The following CHRM1 variants were observed in gnomAD, a reference collection of about 807,000 sequenced individuals.
CHRM1 encodes cholinergic receptor muscarinic 1, also known as muscarinic acetylcholine receptor M1.
Under a neutral mutation model 31.6 loss-of-function variants are expected in CHRM1, and 5 were observed. The observed-to-expected ratio is 0.16, with a 90% confidence interval of 0.08 to 0.33. The LOEUF (loss-of-function observed/expected upper bound fraction) is 0.33, where lower values mean the gene tolerates loss of function less well. Among genes scored for constraint, CHRM1 ranks in the 10% least tolerant of loss-of-function variants. The pLI, the probability that CHRM1 is intolerant of heterozygous loss-of-function variation, is 1.00. For missense variants in CHRM1, 338 were observed against 610.3 expected (o/e 0.55, Z 4.70); for synonymous variants, 227 against 249.7 (o/e 0.91, Z 0.86).
At chr11:62,913,671 C>CAAAA (rs35385223) in intron 1 of CHRM1, among the ~76,000 whole-genome samples, 15 of 83,430 alleles carry the variant, frequency 1.8e-4, no homozygotes, top group African/African-American at 5.7e-4. Context: ...AACTCTGTCT[C>CAAAA]AAAAAAAAAA....
rs1212927495 is a variant in CHRM1 at position 62,910,171 on chromosome 11, C to T, written c.930G>A (p.Glu310=). The T allele has an allele frequency of 6.2e-7, 1 of 1,602,794 alleles. No individual in the cohort carries two copies. Among genetic ancestry groups the T allele is most frequent in the Non-Finnish European group, 8.5e-7 (1 of 1,174,794 alleles). The change falls in exon 2 of 2, where the codon GAG becomes GAA. Residue 310 remains glutamate, a synonymous_variant. Transcript: ENST00000306960. This position sits in a 1 kb window ranked among gnomAD's most constrained non-coding sequence, Gnocchi z 8.7. ...GGGGCTGCTTGGTGGGGGCCTGTGC[C>T]TCGGGGTCCACCATTGGCATCTTGA... ...VVIKMPMVDP[E]AQAPTKQPPR...
chr11:62,910,380 A>AGCT lies in CHRM1; in HGVS notation c.718_720dup (p.Ser241dup). 7 of 1,610,370 alleles carry AGCT rather than the reference A, an allele frequency of 4.3e-6. No homozygotes were observed. The highest frequency in any genetic ancestry group is 5.9e-6 in the Non-Finnish European group (7 of 1,179,970). ...TCAGCCCCTGGCTGAGACCTCTCTG[A>AGCT]GCTGCTGCTGCTGCCACCCCCTTTG... On this transcript the variant is annotated inframe_insertion, in exon 2 of 2. Coordinates refer to ENST00000306960, the MANE Select transcript of CHRM1 (RefSeq NM_000738.3). This position sits in a 1 kb window ranked among gnomAD's most constrained non-coding sequence, Gnocchi z 8.7.
chr11:62,919,584 C>T (rs1419336692), intron 1 of CHRM1, among the ~76,000 whole-genome samples: 1 of 152,128 alleles, frequency 6.6e-6, no homozygotes, highest in African/African-American at 2.4e-5. Context: ...GCACTCTCCT[C>T]CTCATTTCCT....
At position 62,909,669 on chromosome 11, in the gene CHRM1, A is replaced by T. The variant is rs200030454; in HGVS notation, c.*49T>A. On this transcript the variant is annotated 3_prime_UTR_variant, in exon 2 of 2. Coordinates refer to ENST00000306960, the MANE Select transcript of CHRM1 (RefSeq NM_000738.3). Reference sequence around the variant, plus strand: ...AGGATGCAGCCCCTGCCCTCTTCCCACCGGCCTTTCCCGGGGACTGGGGTG... The same window carrying T: ...AGGATGCAGCCCCTGCCCTCTTCCCTCCGGCCTTTCCCGGGGACTGGGGTG... 2.5e-6 allele frequency: 4 copies of T among 1,587,454 alleles called. No individual in the cohort carries two copies. The African/African-American group carries it at 5.4e-5, about 21-fold the overall frequency.
At chr11:62,917,152 C>T (rs2085904742) in intron 1 of CHRM1, among the ~76,000 whole-genome samples, 1 of 152,220 alleles carries the variant, frequency 6.6e-6, no homozygotes, top group African/African-American at 2.4e-5. Context: ...CAGTCTTCTA[C>T]CTGTCCAAGG....
At chr11:62,915,322 G>A (rs1205582976) in intron 1 of CHRM1, among the ~76,000 whole-genome samples, 1 of 149,182 alleles carries the variant, frequency 6.7e-6, no homozygotes, top group Non-Finnish European at 1.5e-5. Flanking sequence ...ATATTTTAAT[G>A]TAATATTTAC....
intron 1 of CHRM1, among the ~76,000 whole-genome samples, chr11:62,911,847 T>G (rs908877617): frequency 6.6e-6 from 1 of 152,060 alleles, no homozygotes; most frequent in East Asian, 1.9e-4. Flanking sequence ...ATTCTTCCAC[T>G]AATAAGGAGA....
rs1179553929 is a variant in CHRM1, at chr11:62,908,802, T to C, written c.*916A>G. 1 of 152,908 alleles carries C rather than the reference T, an allele frequency of 6.5e-6. No homozygotes were observed. Among genetic ancestry groups the C allele is most frequent in the Non-Finnish European group, 1.5e-5 (1 of 68,302 alleles). The allele number at this position is 152,908 out of a possible 1,614,324, so 9.5% of individuals were successfully genotyped here. ...CTGGGAGGCCATGCATGGGTTGGAT[T>C]GGGGAGCTCACAGGAGAGAACCTGC... On this transcript the variant is annotated 3_prime_UTR_variant, in exon 2 of 2. Coordinates refer to ENST00000306960, the MANE Select transcript of CHRM1 (RefSeq NM_000738.3).
rs904767341 is a variant in CHRM1 at position 62,910,705 on chromosome 11, G to T, written c.396C>A (p.Ser132Arg). The T allele has an allele frequency of 9.9e-6, 16 of 1,614,046 alleles. No homozygotes were observed. The highest frequency in any genetic ancestry group is 1.4e-5 in the Non-Finnish European group (16 of 1,180,042). Reference protein sequence around the residue: ...DRYFSVTRPLSYRAKRTPRRA... With the variant: ...DRYFSVTRPLRYRAKRTPRRA... Reference sequence around the variant, plus strand: ...GGCGGGGTGTGCGCTTGGCACGGTAGCTCAGGGGCCGAGTCACGGAGAAGT... The same window carrying T: ...GGCGGGGTGTGCGCTTGGCACGGTATCTCAGGGGCCGAGTCACGGAGAAGT... The change falls in exon 2 of 2, where the codon AGC becomes AGA. Residue 132 changes from serine (S) to arginine (R), a missense_variant. By Grantham distance (110) the Ser-to-Arg change is moderately radical (BLOSUM62 -1). This residue lies in a region of CHRM1 where 85 missense variants were observed against 257.7 expected (regional missense o/e 0.33). Coordinates refer to ENST00000306960, the MANE Select transcript of CHRM1 (RefSeq NM_000738.3). The surrounding 1 kb of genome is among the most constrained non-coding windows in gnomAD (Gnocchi z 8.7).
At chr11:62,920,201 T>C (rs1024788235) in intron 1 of CHRM1, among the ~76,000 whole-genome samples, 2 of 152,166 alleles carry the variant, frequency 1.3e-5, no homozygotes, top group Non-Finnish European at 2.9e-5. Flanking sequence ...GCCTGACTCC[T>C]TCCAGCCAGT....
rs186874256 is a variant in CHRM1 at position 62,919,454 on chromosome 11, C to T, written c.-79+1764G>A. 1.2e-4 allele frequency among the ~76,000 whole-genome samples: 18 copies of T among 152,316 alleles called. No homozygotes were observed. The East Asian group carries it at 2.5e-3, about 21-fold the overall frequency. On this transcript the variant is annotated intron_variant, in intron 1 of 1. Coordinates refer to ENST00000306960, the MANE Select transcript of CHRM1 (RefSeq NM_000738.3). ...TCTTAAGCAGTTGCCTGACTTTGGC[C>T]AGACCATGACAGAGCCTGGGCATGA...
intron 1 of CHRM1, among the ~76,000 whole-genome samples, chr11:62,913,926 C>T (rs904293298): frequency 6.7e-6 from 1 of 150,240 alleles, no homozygotes; most frequent in Non-Finnish European, 1.5e-5. Flanking sequence ...CTCACTGCAG[C>T]TATTGTCTCC....
At chr11:62,918,744 C>T (rs566672779) in intron 1 of CHRM1, among the ~76,000 whole-genome samples, 5 of 152,220 alleles carry the variant, frequency 3.3e-5, no homozygotes, top group South Asian at 4.1e-4. Context: ...TGACTCCCAG[C>T]GCCCAGGACC....
intron 1 of CHRM1, among the ~76,000 whole-genome samples, chr11:62,915,465 G>A (rs1246166340): frequency 6.6e-6 from 1 of 152,096 alleles, no homozygotes; most frequent in Non-Finnish European, 1.5e-5. Context: ...TAAAACTTTA[G>A]TTACAAAGAC....
At position 62,910,429 on chromosome 11, in the gene CHRM1, G is replaced by T; in HGVS notation, c.672C>A (p.Ala224=). 1.9e-6 allele frequency: 3 copies of T among 1,613,336 alleles called. No homozygotes were observed. Among genetic ancestry groups the T allele is most frequent in the East Asian group, 2.2e-5 (1 of 44,874 alleles). ...ETENRARELA[A]LQGSETPGKG... ...TGCCTGGCGTCTCGGAGCCCTGAAG[G>T]GCTGCCAGCTCCCGTGCTCGGTTCT... is the stretch of plus-strand genomic sequence containing the variant. Residue 224 remains alanine (A), a synonymous_variant, in exon 2 of 2, where the codon GCC becomes GCA. Transcript: ENST00000306960. The surrounding 1 kb of genome is among the most constrained non-coding windows in gnomAD (Gnocchi z 8.7).
rs993431965 is a variant in CHRM1 at position 62,909,570 on chromosome 11, C to T, written c.*148G>A. On this transcript the variant is annotated 3_prime_UTR_variant, in exon 2 of 2. Transcript: ENST00000306960. ...GCGAAGTCTGGAAAGTTGGCAGGGT[C>T]TCTCTGGGCTGCCCAGGAAGGTGAC... 3.2e-6 allele frequency: 3 copies of T among 950,502 alleles called. No individual in the cohort carries two copies. In the African/African-American group the frequency reaches 4.9e-5, roughly 16 times the overall value. The allele number at this position is 950,502 out of a possible 1,614,324, so 58.9% of individuals were successfully genotyped here.
Position 62,910,001 on chromosome 11 carries a change from A to G in CHRM1, c.1100T>C (p.Leu367Pro). The G allele has an allele frequency of 6.2e-7, 1 of 1,614,090 alleles. No individual in the cohort carries two copies. The highest frequency in any genetic ancestry group is 1.3e-5 in the African/African-American group (1 of 75,054). ...GATGAAGGCCAGGAGGATGGCACTC[A>G]GGGTCCGAGCCGCCTTCTTCTCCTT... is the stretch of plus-strand genomic sequence containing the variant. The part of the protein sequence containing the change: ...LVKEKKAART[L>P]SAILLAFILT... The change falls in exon 2 of 2, where the codon CTG becomes CCG. Residue 367 changes from leucine (L) to proline (P), a missense_variant. Leu to Pro is a moderately conservative substitution (Grantham distance 98). Around this residue, in one of 4 missense-constraint regions of CHRM1, gnomAD observed 183 missense variants for 223.4 expected, o/e 0.82. Coordinates refer to ENST00000306960, the MANE Select transcript of CHRM1 (RefSeq NM_000738.3). The surrounding 1 kb of genome is among the most constrained non-coding windows in gnomAD (Gnocchi z 8.7).
rs1366698086 is a variant in CHRM1, at chr11:62,909,585, AG to A, written c.*132del. 1 of 1,123,872 alleles carries A rather than the reference AG, an allele frequency of 8.9e-7. No individual in the cohort carries two copies. The highest frequency in any genetic ancestry group is 1.3e-6 in the Non-Finnish European group (1 of 791,090). 69.6% of individuals were successfully genotyped at this position (1,123,872 alleles called of 1,614,324 possible). ...TTGGCAGGGTCTCTCTGGGCTGCCC[AG>A]GAAGGTGACCCAGGGTCCTGGGAAG... On this transcript the variant is annotated 3_prime_UTR_variant, in exon 2 of 2. Transcript: ENST00000306960.
chr11:62,916,448 A>G (rs2085900917), intron 1 of CHRM1, among the ~76,000 whole-genome samples: 4 of 152,188 alleles, frequency 2.6e-5, no homozygotes, highest in Admixed American at 2.6e-4. Context: ...TGCTTTCAGA[A>G]CAGGGGACTT....
Sources: gnomAD v4.1 joint callset for allele counts (sites outside exome capture counted in the v4.1 genomes callset) on GRCh38, gnomAD v4.1.1 for gene constraint, gnomAD v4.1.1 regional missense constraint, Gnocchi (gnomAD v3.1) non-coding constraint, MANE v1.5 for transcripts, NCBI Gene and HGNC (gene_info 2026-07-23, HGNC 2026-07-21) for gene names.